The following SLC25A53 variants were observed in gnomAD, a reference collection of about 807,000 sequenced individuals.
SLC25A53 encodes the protein solute carrier family 25 member 53, also known as mitochondrial carrier triple repeat protein 6.
Under a neutral mutation model 15.0 loss-of-function variants are expected in SLC25A53, and 5 were observed. That is an observed-to-expected ratio of 0.33 (90% confidence interval 0.17 to 0.70). The LOEUF (loss-of-function observed/expected upper bound fraction) is 0.70. Among genes scored for constraint, SLC25A53 ranks in the 30% least tolerant of loss-of-function variants. The pLI, the probability that SLC25A53 is intolerant of heterozygous loss-of-function variation, is 0.67. For missense variants in SLC25A53, 216 were observed against 241.6 expected, an observed-to-expected ratio of 0.89 and a Z score of 0.70; for synonymous variants, 95 against 100.0, an observed-to-expected ratio of 0.95 and a Z score of 0.30.
At chrX:104,133,174 T>C (rs2147875651) in intron 1 of SLC25A53, among the ~76,000 whole-genome samples, 1 of 112,383 alleles carries the variant, frequency 8.9e-6, no homozygotes, top group East Asian at 2.8e-4. Flanking sequence ...CTGAACATTG[T>C]TTTGAGAAAA....
intron 1 of SLC25A53, among the ~76,000 whole-genome samples, chrX:104,139,165 G>A (rs782292754): frequency 5.3e-5 from 6 of 112,641 alleles, no homozygotes; most frequent in African/African-American, 1.6e-4. Context: ...ATCAGTTGCA[G>A]TGAGCTGAAA....
rs186661678 is a variant in SLC25A53 at position 104,099,503 on chromosome X, A to T, written c.*4831T>A. On this transcript the variant is annotated 3_prime_UTR_variant, in exon 2 of 2. Coordinates refer to ENST00000594199, the MANE Select transcript of SLC25A53 (RefSeq NM_001012755.5). ...TCATGGTATATTTATACAATGGTAA[A>T]CTGTACAACAATAAAAATGGATCAA... The T allele has an allele frequency of 1.1e-4, 12 of 112,229 alleles. No individual in the cohort carries two copies. The East Asian group carries it at 3.1e-3, about 29-fold the overall frequency. 9.2% of individuals were successfully genotyped at this position (112,229 alleles called of 1,213,427 possible). A position where few individuals can be genotyped will look rare whatever the true frequency, so the allele number is the denominator to read the frequency against.
intron 1 of SLC25A53, among the ~76,000 whole-genome samples, chrX:104,155,993 AG>A (rs1160500879): frequency 9.5e-6 from 1 of 105,261 alleles, no homozygotes; most frequent in Non-Finnish European, 1.9e-5. Flanking sequence ...CGGAGGTTGC[AG>A]TGAGCGGAGA....
At chrX:104,115,511 T>C in intron 1 of SLC25A53, 1 of 417,670 alleles carries the variant, frequency 2.4e-6, no homozygotes, top group East Asian at 3.8e-5. Flanking sequence ...CCCTGCTCTC[T>C]TCTCTGCTGG....
intron 1 of SLC25A53, among the ~76,000 whole-genome samples, chrX:104,153,491 G>A (rs1332317667): frequency 5.4e-5 from 6 of 111,296 alleles, no homozygotes; most frequent in African/African-American, 2.0e-4. Context: ...TTATTGGTGG[G>A]GGTGGAACTA....
At chrX:104,154,467 A>G (rs782280000) in intron 1 of SLC25A53, among the ~76,000 whole-genome samples, 2 of 112,476 alleles carry the variant, frequency 1.8e-5, no homozygotes, top group African/African-American at 6.4e-5. Flanking sequence ...ATGATCCAGC[A>G]ATCCCACTTC....
intron 1 of SLC25A53, among the ~76,000 whole-genome samples, chrX:104,150,634 G>A (rs1325293768): frequency 8.9e-6 from 1 of 112,278 alleles, no homozygotes. Context: ...AGTGACCGGT[G>A]CTACTTTACC....
At chrX:104,114,393 C>A (rs782799289) in intron 1 of SLC25A53, 10 of 1,210,020 alleles carry the variant, frequency 8.3e-6, no homozygotes, top group Admixed American at 4.4e-5. Context: ...GGGGCCCTGC[C>A]CGGGAGGTCA....
intron 1 of SLC25A53, among the ~76,000 whole-genome samples, chrX:104,121,977 G>A (rs1556362963): frequency 1.1e-5 from 1 of 88,823 alleles, no homozygotes; most frequent in Non-Finnish European, 2.2e-5. Flanking sequence ...GCACTCTGTT[G>A]CCCAGGCTGG....
At chrX:104,111,776 C>T (rs2075345541) in intron 1 of SLC25A53, among the ~76,000 whole-genome samples, 1 of 112,157 alleles carries the variant, frequency 8.9e-6, no homozygotes, top group Non-Finnish European at 1.9e-5. Context: ...GATGCTGTAA[C>T]TTATTTGCTG....
intron 1 of SLC25A53, among the ~76,000 whole-genome samples, chrX:104,134,933 A>G (rs782120021): frequency 3.6e-5 from 4 of 111,120 alleles, no homozygotes; most frequent in Admixed American, 9.6e-5. Context: ...GGTTCCTTGC[A>G]TAAGAGCCCG....
intron 1 of SLC25A53, among the ~76,000 whole-genome samples, chrX:104,126,283 T>C (rs1285857978): frequency 9.0e-6 from 1 of 111,237 alleles, no homozygotes; most frequent in Non-Finnish European, 1.9e-5. Context: ...CACTCCAGTC[T>C]GGGCAAAAGC....
intron 1 of SLC25A53, among the ~76,000 whole-genome samples, chrX:104,129,442 G>A (rs1556365032): frequency 9.0e-6 from 1 of 111,022 alleles, no homozygotes; most frequent in South Asian, 3.8e-4. Flanking sequence ...CAGTACTTCA[G>A]CACTATGATT....
At chrX:104,109,907 G>A (rs2147864445) in intron 1 of SLC25A53, among the ~76,000 whole-genome samples, 1 of 112,068 alleles carries the variant, frequency 8.9e-6, no homozygotes, top group East Asian at 2.8e-4. Context: ...AAGCTTTTAA[G>A]GTTTATTTGT....
Position 104,104,952 on chromosome X carries a change from C to T in SLC25A53, c.306G>A (p.Leu102=). Reference sequence around the variant, plus strand: ...GCCCAACAGGAGAGAGAAAGCACAGCAGGCTATCATAAGTCCCAAACAGAA... The same window carrying T: ...GCCCAACAGGAGAGAGAAAGCACAGTAGGCTATCATAAGTCCCAAACAGAA... ...GTLLFGTYDS[L]LCFLSPVGPH... is the part of the protein sequence containing the mutation. The change falls in exon 2 of 2, where the codon CTG becomes CTA. Residue 102 remains leucine, a synonymous_variant. Coordinates refer to ENST00000594199, the MANE Select transcript of SLC25A53 (RefSeq NM_001012755.5). The T allele has an allele frequency of 8.3e-7, 1 of 1,211,507 alleles. No individual in the cohort carries two copies. Among genetic ancestry groups the T allele is most frequent in the Non-Finnish European group, 1.1e-6 (1 of 895,531 alleles).
intron 1 of SLC25A53, chrX:104,115,057 T>C: frequency 8.4e-7 from 1 of 1,197,490 alleles, no homozygotes; most frequent in Non-Finnish European, 1.1e-6. Flanking sequence ...CCCCAACAAT[T>C]CTGGGGCTCA....
chrX:104,105,765 G>A lies in SLC25A53; in HGVS notation c.-31-477C>T, dbSNP rs1471657534. Among the ~76,000 whole-genome samples, 22 of 111,825 alleles carry A rather than the reference G, an allele frequency of 2.0e-4. 1 individual carries two copies. Among genetic ancestry groups the A allele is most frequent in the African/African-American group, 6.2e-4 (19 of 30,772 alleles). On this transcript the variant is annotated intron_variant, in intron 1 of 1. Transcript: ENST00000594199. Reference sequence around the variant, plus strand: ...AAAGTTGGTATTAAATTTGGGGAGGGGGAATCTCCCCTCGCCTTTCTCTCC... The same window carrying A: ...AAAGTTGGTATTAAATTTGGGGAGGAGGAATCTCCCCTCGCCTTTCTCTCC...
chrX:104,125,389 G>A (rs1164827152), intron 1 of SLC25A53, among the ~76,000 whole-genome samples: 1 of 111,780 alleles, frequency 8.9e-6, no homozygotes, highest in African/African-American at 3.3e-5. Flanking sequence ...CCTGCTACTT[G>A]CCTTGTGCTG....
intron 1 of SLC25A53, among the ~76,000 whole-genome samples, chrX:104,141,769 G>A (rs1164567126): frequency 9.0e-6 from 1 of 110,598 alleles, no homozygotes; most frequent in Admixed American, 9.6e-5. Flanking sequence ...TGAATTTTCT[G>A]TAGAGACAGG....
Sources: allele counts gnomAD v4.1 joint callset (sites outside exome capture counted in the v4.1 genomes callset), GRCh38; gene constraint gnomAD v4.1.1; transcripts MANE v1.5; gene names NCBI Gene and HGNC (gene_info 2026-07-23, HGNC 2026-07-21).